Variants in GSE1 observed in about 807,000 individuals in gnomAD.
The protein encoded by GSE1 is Gse1 coiled-coil protein.
A neutral mutation model predicts 112.6 loss-of-function variants in GSE1; 32 were observed. The ratio of observed to expected loss-of-function variants is 0.28; its 90% CI spans 0.21 to 0.38. The LOEUF is 0.38. GSE1 is among the 10% of genes least tolerant of loss of function. The pLI, the probability that GSE1 is intolerant of heterozygous loss-of-function variation, is 1.00. For synonymous variants in GSE1, 1,115 were observed against 735.6 expected, an observed-to-expected ratio of 1.52 and a Z score of -8.35; for missense variants, 2,348 against 1,699.2, an observed-to-expected ratio of 1.38 and a Z score of -6.71.
At chr16:85,198,089 C>T (rs1173089601) in intron 1 of GSE1, among the ~76,000 whole-genome samples, 2 of 152,092 alleles carry the variant, frequency 1.3e-5, no homozygotes, top group Non-Finnish European at 2.9e-5. Flanking sequence ...TGGCCCTCAG[C>T]GTCCTCACAC....
intron 2 of GSE1, among the ~76,000 whole-genome samples, chr16:85,500,633 C>G (rs762397755): frequency 6.6e-6 from 1 of 152,264 alleles, no homozygotes; most frequent in Non-Finnish European, 1.5e-5. Context: ...GCCAGCCGCT[C>G]TGCTCTGCCC....
At chr16:85,452,924 C>A (rs1282265292) in intron 2 of GSE1, among the ~76,000 whole-genome samples, 1 of 152,124 alleles carries the variant, frequency 6.6e-6, no homozygotes, top group Admixed American at 6.5e-5. Context: ...TGCCTCCAAC[C>A]CCACCCTGTG....
At chr16:85,229,858 G>T (rs767200372) in intron 1 of GSE1, among the ~76,000 whole-genome samples, 2 of 152,208 alleles carry the variant, frequency 1.3e-5, no homozygotes, top group African/African-American at 2.4e-5. Flanking sequence ...ATTCTCACAC[G>T]ATAGCATCCA....
Position 85,474,070 on chromosome 16 carries a change from C to G in GSE1, c.2464+116427C>G, listed in dbSNP as rs543543502. On this transcript the variant is annotated intron_variant, in intron 2 of 2. Coordinates refer to the GSE1 transcript ENST00000637419. Reference sequence around the variant, plus strand: ...AGAGGAGAAACATGAGCTGACCCATCTTCTGATGGGTCCTCTGCTGCCACA... The same window carrying G: ...AGAGGAGAAACATGAGCTGACCCATGTTCTGATGGGTCCTCTGCTGCCACA... 3.3e-5 allele frequency among the ~76,000 whole-genome samples: 5 copies of G among 152,248 alleles called. No individual in the cohort carries two copies. The South Asian group carries it at 8.3e-4, about 25-fold the overall frequency.
chr16:85,265,345 G>A (rs1441206866), intron 1 of GSE1, among the ~76,000 whole-genome samples: 1 of 152,136 alleles, frequency 6.6e-6, no homozygotes, highest in East Asian at 1.9e-4. Context: ...CCGCTGGGTG[G>A]AGGCAGACAT....
rs527555252 is a variant in GSE1 at position 85,179,471 on chromosome 16, A to G, written c.2283+7664A>G. Among the ~76,000 whole-genome samples the G allele has an allele frequency of 2.0e-5, 3 of 152,262 alleles. No individual in the cohort carries two copies. In the South Asian group the frequency reaches 6.2e-4, roughly 32 times the overall value. ...CATGCCACTGTGAACACGCATGGGCAAGTGTTCACAGATGTCTTCATTTCT... is the reference window on the plus strand; with the variant it reads ...CATGCCACTGTGAACACGCATGGGCGAGTGTTCACAGATGTCTTCATTTCT... On this transcript the variant is annotated intron_variant, in intron 1 of 2. Coordinates refer to the GSE1 transcript ENST00000637419.
intron 2 of GSE1, among the ~76,000 whole-genome samples, chr16:85,477,752 G>A (rs1258485733): frequency 6.6e-6 from 1 of 151,800 alleles, no homozygotes; most frequent in African/African-American, 2.4e-5. Flanking sequence ...AGTAGAGACG[G>A]GGTTTCACTA....
intron 1 of GSE1, among the ~76,000 whole-genome samples, chr16:85,181,702 C>T (rs62048636): frequency 0.14 from 21,346 of 152,190 alleles, 1,687 homozygotes; most frequent in Middle Eastern, 0.25. Context: ...GTGATAAGGG[C>T]GGCAGCTGAA....
chr16:85,366,626 C>T (rs1272750970), intron 2 of GSE1, among the ~76,000 whole-genome samples: 1 of 152,212 alleles, frequency 6.6e-6, no homozygotes, highest in Non-Finnish European at 1.5e-5. Context: ...CCCTCCCGCC[C>T]CTCTGTTTCC....
chr16:85,558,827 C>T lies in GSE1; in HGVS notation c.37+2464C>T, dbSNP rs114210417. ...AGTGGCTTCCCAGGGCTGGGGTTAA[C>T]GCATTGAGAGTGATGGAAACGGCAG... On this transcript the variant is annotated intron_variant, in intron 1 of 2. Coordinates refer to the GSE1 transcript ENST00000635906. 4.8e-3 allele frequency among the ~76,000 whole-genome samples: 734 copies of T among 152,202 alleles called. 14 individuals are homozygous for T. The highest frequency in any genetic ancestry group is 0.017 in the African/African-American group (686 of 41,520).
At chr16:85,452,685 G>A (rs1485147553) in intron 2 of GSE1, among the ~76,000 whole-genome samples, 1 of 152,246 alleles carries the variant, frequency 6.6e-6, no homozygotes, top group Admixed American at 6.5e-5. Context: ...AGGCCTCACT[G>A]AAATTCAGGG....
At chr16:85,407,950 A>G (rs1243886742) in intron 2 of GSE1, among the ~76,000 whole-genome samples, 2 of 47,612 alleles carry the variant, frequency 4.2e-5, no homozygotes, top group African/African-American at 7.7e-5. Flanking sequence ...GATAATCCTC[A>G]CCGTTACACT....
chr16:85,659,124 T>A (rs555619491), intron 8 of GSE1, among the ~76,000 whole-genome samples: 89 of 152,342 alleles, frequency 5.8e-4, no homozygotes, highest in Non-Finnish European at 9.4e-4. Context: ...CTTCCTGTGG[T>A]TCCCTGTTGT....
At chr16:85,386,755 GC>G (rs1284815112) in intron 2 of GSE1, among the ~76,000 whole-genome samples, 1 of 152,196 alleles carries the variant, frequency 6.6e-6, no homozygotes, top group African/African-American at 2.4e-5. Context: ...GCTGGAAACA[GC>G]TCCCCCGCCA....
intron 1 of GSE1, among the ~76,000 whole-genome samples, chr16:85,178,822 G>A (rs997760165): frequency 5.5e-5 from 8 of 146,756 alleles, no homozygotes; most frequent in Non-Finnish European, 1.2e-4. Flanking sequence ...AGTGACGAGT[G>A]TCCTGGCAGG....
chr16:85,387,213 C>G (rs1230336497), intron 2 of GSE1, among the ~76,000 whole-genome samples: 1 of 152,152 alleles, frequency 6.6e-6, no homozygotes, highest in Admixed American at 6.5e-5. Flanking sequence ...GGTGGGAGCC[C>G]CCTGCACCCA....
chr16:85,540,458 C>A (rs1231520919), intron 2 of GSE1, among the ~76,000 whole-genome samples: 1 of 152,188 alleles, frequency 6.6e-6, no homozygotes, highest in Admixed American at 6.5e-5. Flanking sequence ...TGAGGCTTGG[C>A]TTTGTGTTCC....
intron 1 of GSE1, among the ~76,000 whole-genome samples, chr16:85,287,824 GC>G (rs1300720927): frequency 6.6e-6 from 1 of 152,166 alleles, no homozygotes; most frequent in Non-Finnish European, 1.5e-5. Context: ...GCCTAAAGGA[GC>G]CGCAGGAGCT....
rs568900449 is a variant in GSE1, at chr16:85,639,178, C to T, written c.226+5046C>T. ...CTTTGTTCCTCCCACATTGTCCCAGCCACCAAAGGGACGTCCCCGGGGCCG... is the reference window on the plus strand; with the variant it reads ...CTTTGTTCCTCCCACATTGTCCCAGTCACCAAAGGGACGTCCCCGGGGCCG... On this transcript the variant is annotated intron_variant, in intron 2 of 15. Coordinates refer to ENST00000253458, the MANE Select transcript of GSE1 (RefSeq NM_014615.5). 1.4e-4 allele frequency among the ~76,000 whole-genome samples: 21 copies of T among 152,344 alleles called. No individual in the cohort carries two copies. In the South Asian group the frequency reaches 1.7e-3, roughly 12 times the overall value.
Sources: allele counts gnomAD v4.1 joint callset (sites outside exome capture counted in the v4.1 genomes callset), GRCh38; gene constraint gnomAD v4.1.1; transcripts MANE v1.5; gene names NCBI Gene and HGNC (gene_info 2026-07-23, HGNC 2026-07-21).